The following GRM8 variants were observed in gnomAD, a reference collection of about 807,000 sequenced individuals.
GRM8 encodes the protein glutamate metabotropic receptor 8, also known as metabotropic glutamate receptor 8.
In GRM8, 47 loss-of-function variants were observed where a neutral mutation model predicts 87.2. The observed-to-expected ratio is 0.54, with a 90% CI of 0.43 to 0.69. The LOEUF is 0.69. Among genes scored for constraint, GRM8 ranks in the 30% least tolerant of loss-of-function variants. The pLI, the probability that GRM8 is intolerant of heterozygous loss-of-function variation, is 0.00. For synonymous variants in GRM8, 396 were observed against 404.5 expected (o/e 0.98, Z 0.25); for missense variants, 1,019 against 1,139.2 (o/e 0.89, Z 1.52).
chr7:127,134,997 T>C (rs1260871350), intron 2 of GRM8, among the ~76,000 whole-genome samples: 1 of 152,118 alleles, frequency 6.6e-6, no homozygotes, highest in East Asian at 1.9e-4. Flanking sequence ...AAAAGATTTT[T>C]ATGTTTAACA....
At chr7:126,724,258 A>T (rs896328308) in intron 7 of GRM8, among the ~76,000 whole-genome samples, 10 of 152,142 alleles carry the variant, frequency 6.6e-5, no homozygotes, top group African/African-American at 9.7e-5. Flanking sequence ...CCCTGTAGTT[A>T]AGCGCAGGCC....
rs141236216 is a variant in GRM8, at chr7:126,979,184, C to T, written c.728-74501G>A. On this transcript the variant is annotated intron_variant, in intron 3 of 10. Coordinates refer to ENST00000339582, the MANE Select transcript of GRM8 (RefSeq NM_000845.3). ...GATATGTATTATCACTGGGTGAATT[C>T]TAAATACAAAGCCAATTTAGCACAC... 8.5e-5 allele frequency among the ~76,000 whole-genome samples: 13 copies of T among 152,270 alleles called. No individual in the cohort carries two copies. In the East Asian group the frequency reaches 2.5e-3, roughly 29 times the overall value.
chr7:127,023,511 C>T (rs1386062546), intron 3 of GRM8, among the ~76,000 whole-genome samples: 5 of 151,988 alleles, frequency 3.3e-5, no homozygotes, highest in East Asian at 1.9e-4. Flanking sequence ...TTTTCAAACC[C>T]GGACAGTGGT....
chr7:126,538,369 G>A (rs1477991719), intron 8 of GRM8, among the ~76,000 whole-genome samples: 1 of 152,006 alleles, frequency 6.6e-6, no homozygotes, highest in Non-Finnish European at 1.5e-5. Context: ...CTGAAGAAAG[G>A]ATTACAAGAA....
intron 9 of GRM8, among the ~76,000 whole-genome samples, chr7:126,464,903 C>T (rs1001523240): frequency 5.9e-5 from 9 of 151,566 alleles, no homozygotes; most frequent in Non-Finnish European, 1.2e-4. Flanking sequence ...ATTTCTTAGT[C>T]TTTTTACTCA....
chr7:127,133,895 C>A (rs1295433640), intron 2 of GRM8, among the ~76,000 whole-genome samples: 2 of 151,900 alleles, frequency 1.3e-5, no homozygotes, highest in Non-Finnish European at 2.9e-5. Flanking sequence ...CTTGGCAGTT[C>A]TAGCTGCCAA....
At chr7:126,687,662 T>C (rs939514121) in intron 7 of GRM8, among the ~76,000 whole-genome samples, 5 of 150,580 alleles carry the variant, frequency 3.3e-5, no homozygotes, top group Admixed American at 2.0e-4. Flanking sequence ...ACATAGTAGA[T>C]ATTGCCTATC....
chr7:127,086,113 T>C (rs1012684027), intron 3 of GRM8, among the ~76,000 whole-genome samples: 1 of 152,146 alleles, frequency 6.6e-6, no homozygotes, highest in African/African-American at 2.4e-5. Flanking sequence ...TTTTGTTTTG[T>C]TTTTTGAGAT....
intron 1 of GRM8, chr7:127,250,780 GACAA>G (rs1333325488): frequency 5.9e-5 from 9 of 152,178 alleles, no homozygotes; most frequent in Admixed American, 5.9e-4. Context: ...TGCAATTATT[GACAA>G]ACAATTTCAT....
intron 8 of GRM8, among the ~76,000 whole-genome samples, chr7:126,536,622 G>T (rs992605129): frequency 2.6e-5 from 4 of 151,894 alleles, no homozygotes; most frequent in Non-Finnish European, 4.4e-5. Context: ...AAAGGTAAAT[G>T]GAAGCACACA....
chr7:126,515,622 G>A (rs149609821), intron 9 of GRM8, among the ~76,000 whole-genome samples: 112 of 152,138 alleles, frequency 7.4e-4, no homozygotes, highest in African/African-American at 2.4e-3. Flanking sequence ...GCCTTAGAGC[G>A]GAACCTGTGT....
chr7:126,472,044 T>C (rs1199682720), intron 9 of GRM8, among the ~76,000 whole-genome samples: 2 of 152,178 alleles, frequency 1.3e-5, no homozygotes, highest in Non-Finnish European at 2.9e-5. Flanking sequence ...TTTTGTATCC[T>C]GAGACTTTGC....
chr7:126,600,163 C>A (rs536388467), intron 8 of GRM8, among the ~76,000 whole-genome samples: 1 of 152,142 alleles, frequency 6.6e-6, no homozygotes, highest in Admixed American at 6.6e-5. Context: ...TTAATCTGTA[C>A]CTGTATAATT....
intron 3 of GRM8, among the ~76,000 whole-genome samples, chr7:126,990,120 C>T (rs1812504196): frequency 6.6e-6 from 1 of 152,126 alleles, no homozygotes; most frequent in African/African-American, 2.4e-5. Flanking sequence ...CTAAGAGAAT[C>T]AGCATTATTT....
Position 126,788,420 on chromosome 7 carries a change from A to AAAAAAAAAAAAAAAAAAC in GRM8, c.1157-18356_1157-18355insGTTTTTTTTTTTTTTTTT. On this transcript the variant is annotated intron_variant, in intron 6 of 10. Transcript: ENST00000339582. ...GCAAGACTCCATCTCAAAAAAAAAA[A>AAAAAAAAAAAAAAAAAAC]AAACCCTTTCAGATATCTTTAACAT... 2.2e-4 allele frequency among the ~76,000 whole-genome samples: 18 copies of AAAAAAAAAAAAAAAAAAC among 81,132 alleles called. 1 individual carries two copies. Among genetic ancestry groups the AAAAAAAAAAAAAAAAAAC allele is most frequent in the African/African-American group, 6.4e-4 (14 of 21,822 alleles). 53.2% of individuals were successfully genotyped at this position (81,132 alleles called of 152,430 possible).
At chr7:127,060,181 C>T (rs11563748) in intron 3 of GRM8, among the ~76,000 whole-genome samples, 11,544 of 152,220 alleles carry the variant, frequency 0.076, 651 homozygotes, top group Non-Finnish European at 0.11. Flanking sequence ...AAACAAGTTT[C>T]TAAAATGTCA....
intron 6 of GRM8, among the ~76,000 whole-genome samples, chr7:126,778,084 T>A (rs1819657296): frequency 6.6e-6 from 1 of 152,210 alleles, no homozygotes; most frequent in African/African-American, 2.4e-5. Context: ...GTCAAGGACC[T>A]GTAGAGACAG....
intron 8 of GRM8, among the ~76,000 whole-genome samples, chr7:126,553,291 T>C (rs1425497526): frequency 6.6e-6 from 1 of 152,204 alleles, no homozygotes; most frequent in East Asian, 1.9e-4. Context: ...ATAAAATTTA[T>C]TCCAGAAAAT....
At chr7:127,161,683 CA>C (rs1296534290) in intron 2 of GRM8, among the ~76,000 whole-genome samples, 5 of 151,794 alleles carry the variant, frequency 3.3e-5, no homozygotes, top group African/African-American at 7.3e-5. Context: ...CTTTTTCTAC[CA>C]AAAAAACTAT....
Sources: gnomAD v4.1 joint callset for allele counts (sites outside exome capture counted in the v4.1 genomes callset) on GRCh38, gnomAD v4.1.1 for gene constraint, MANE v1.5 for transcripts, NCBI Gene and HGNC (gene_info 2026-07-23, HGNC 2026-07-21) for gene names.